The following EPB41L4A variants were observed in gnomAD, a reference collection of about 807,000 sequenced individuals.
EPB41L4A encodes erythrocyte membrane protein band 4.1 like 4A.
A neutral mutation model predicts 108.6 loss-of-function variants in EPB41L4A; 100 were observed. The ratio of observed to expected loss-of-function variants is 0.92; its 90% CI spans 0.78 to 1.09. EPB41L4A has a LOEUF of 1.09. Among genes scored for constraint, EPB41L4A ranks in the 50% least tolerant of loss-of-function variants. The probability of loss-of-function intolerance (pLI) is 0.00; values close to 1 mark genes in which losing one functional copy is unlikely to be tolerated. For missense variants in EPB41L4A, 1,030 were observed against 842.7 expected (o/e 1.22, Z -2.75); for synonymous variants, 319 against 289.0 (o/e 1.10, Z -1.05).
At chr5:112,172,463 G>T (rs1404550803) in intron 18 of EPB41L4A, among the ~76,000 whole-genome samples, 1 of 144,330 alleles carries the variant, frequency 6.9e-6, no homozygotes, top group Non-Finnish European at 1.5e-5. Context: ...AGTAAGCCGA[G>T]ATCACACCAC....
chr5:112,207,275 C>A (rs1316413841), intron 13 of EPB41L4A, among the ~76,000 whole-genome samples: 1 of 152,168 alleles, frequency 6.6e-6, no homozygotes, highest in Non-Finnish European at 1.5e-5. Flanking sequence ...CAAAAATCCA[C>A]TCAAGATAGA....
intron 9 of EPB41L4A, among the ~76,000 whole-genome samples, chr5:112,243,290 TATTTTG>T (rs1749947742): frequency 1.3e-5 from 1 of 76,022 alleles, no homozygotes; most frequent in South Asian, 2.8e-4. Context: ...TATATATATA[TATTTTG>T]TTTGTTTGTT....
At chr5:112,338,906 G>C (rs1757087070) in intron 1 of EPB41L4A, among the ~76,000 whole-genome samples, 1 of 152,166 alleles carries the variant, frequency 6.6e-6, no homozygotes, top group Admixed American at 6.5e-5. Context: ...GCCAACTACT[G>C]CTCAAGAATG....
chr5:112,291,540 C>T (rs1211125257), intron 2 of EPB41L4A, among the ~76,000 whole-genome samples: 1 of 152,178 alleles, frequency 6.6e-6, no homozygotes, highest in Non-Finnish European at 1.5e-5. Flanking sequence ...CTCCTGCCCT[C>T]CTTTCACCTG....
chr5:112,270,116 AAAG>A (rs921435057), intron 4 of EPB41L4A, among the ~76,000 whole-genome samples: 2 of 152,236 alleles, frequency 1.3e-5, no homozygotes, highest in Non-Finnish European at 2.9e-5. Context: ...GGACTTTCTT[AAAG>A]AAGGGGCAGA....
At chr5:112,301,375 G>A (rs1580640984) in intron 2 of EPB41L4A, among the ~76,000 whole-genome samples, 1 of 152,130 alleles carries the variant, frequency 6.6e-6, no homozygotes, top group Non-Finnish European at 1.5e-5. Context: ...CTTTTCCTAG[G>A]AATGTGGCTT....
At chr5:112,241,159 A>G (rs1264191197) in intron 9 of EPB41L4A, among the ~76,000 whole-genome samples, 1 of 152,164 alleles carries the variant, frequency 6.6e-6, no homozygotes, top group East Asian at 1.9e-4. Context: ...ATCAACTCCC[A>G]GTAAAAAAAA....
intron 1 of EPB41L4A, among the ~76,000 whole-genome samples, chr5:112,368,246 G>A (rs1167781753): frequency 6.6e-6 from 1 of 151,960 alleles, no homozygotes; most frequent in Non-Finnish European, 1.5e-5. Flanking sequence ...TCATCTCTTT[G>A]CCCCTTACTT....
At chr5:112,288,980 G>A (rs559233583) in intron 2 of EPB41L4A, among the ~76,000 whole-genome samples, 1 of 152,204 alleles carries the variant, frequency 6.6e-6, no homozygotes, top group African/African-American at 2.4e-5. Flanking sequence ...CCTTGGGAGG[G>A]ATAAGTGCAT....
At chr5:112,285,908 G>C (rs183561187) in intron 2 of EPB41L4A, among the ~76,000 whole-genome samples, 2 of 152,152 alleles carry the variant, frequency 1.3e-5, no homozygotes, top group Admixed American at 1.3e-4. Context: ...TTTTATAAAT[G>C]AGGAAACTGA....
At chr5:112,220,497 G>C (rs1489693305) in intron 12 of EPB41L4A, among the ~76,000 whole-genome samples, 2 of 152,100 alleles carry the variant, frequency 1.3e-5, no homozygotes, top group African/African-American at 4.8e-5. Flanking sequence ...CATTGCAAAA[G>C]GGCAGGCTGG....
At chr5:112,336,385 A>G (rs149830722) in intron 1 of EPB41L4A, among the ~76,000 whole-genome samples, 1,915 of 152,258 alleles carry the variant, frequency 0.013, 44 homozygotes, top group South Asian at 0.057. Context: ...CGGGAGTTCA[A>G]TTCCAGAGTA....
intron 4 of EPB41L4A, among the ~76,000 whole-genome samples, chr5:112,272,221 G>A (rs982166372): frequency 1.4e-5 from 2 of 144,364 alleles, no homozygotes; most frequent in Admixed American, 7.4e-5. Context: ...TGCAACCTCC[G>A]CCTCCCGGGT....
chr5:112,184,298 T>C (rs1055519173), intron 17 of EPB41L4A, among the ~76,000 whole-genome samples, 163 bp from the exon 18 acceptor site: 2 of 152,230 alleles, frequency 1.3e-5, no homozygotes, highest in Non-Finnish European at 2.9e-5. Flanking sequence ...CATATGTAGG[T>C]AAGCATATAT....
chr5:112,372,236 G>A (rs533734706), intron 1 of EPB41L4A, among the ~76,000 whole-genome samples: 3 of 152,206 alleles, frequency 2.0e-5, no homozygotes, highest in African/African-American at 7.2e-5. Context: ...CTTTTCACAC[G>A]GTGAAAGGAT....
chr5:112,407,410 T>A (rs1337743596), intron 1 of EPB41L4A, among the ~76,000 whole-genome samples: 1 of 152,014 alleles, frequency 6.6e-6, no homozygotes, highest in African/African-American at 2.4e-5. Context: ...CTGCTAGAAA[T>A]CCCCAAAGTT....
intron 4 of EPB41L4A, among the ~76,000 whole-genome samples, chr5:112,273,401 G>A (rs146244756): frequency 3.4e-4 from 52 of 152,296 alleles, no homozygotes; most frequent in Admixed American, 8.5e-4. Flanking sequence ...GGAAATTCCT[G>A]TTCATGTGTG....
Position 112,192,696 on chromosome 5 carries a change from TTTAA to T in EPB41L4A, c.1502+1868_1502+1871del, listed in dbSNP as rs1761765225. Among the ~76,000 whole-genome samples the T allele has an allele frequency of 2.0e-5, 3 of 152,210 alleles. No individual in the cohort carries two copies. The South Asian group carries it at 6.2e-4, about 32-fold the overall frequency. On this transcript the variant is annotated intron_variant, in intron 17 of 22. Transcript: ENST00000261486. Reference sequence around the variant, plus strand: ...AGTGCAACCAGATCAGTATGAGCAATTTAATTATTTGATGGCAACCTTTCACTAG... The same window carrying T: ...AGTGCAACCAGATCAGTATGAGCAATTTATTTGATGGCAACCTTTCACTAG...
intron 1 of EPB41L4A, among the ~76,000 whole-genome samples, chr5:112,324,952 C>T (rs762025298): frequency 5.3e-5 from 8 of 151,986 alleles, no homozygotes; most frequent in Non-Finnish European, 8.8e-5. Context: ...AGTAATGAAA[C>T]AGTAGCTATC....
Sources: gnomAD v4.1 joint callset for allele counts (sites outside exome capture counted in the v4.1 genomes callset) on GRCh38, gnomAD v4.1.1 for gene constraint, MANE v1.5 for transcripts, NCBI Gene and HGNC (gene_info 2026-07-23, HGNC 2026-07-21) for gene names.